The following KIF26B variants were observed in gnomAD, a reference collection of about 807,000 sequenced individuals.
The protein encoded by KIF26B is kinesin family member 26B, also known as kinesin-like protein KIF26B.
KIF26B carries 63 observed loss-of-function variants against 151.2 expected under a neutral mutation model. That is an observed-to-expected ratio of 0.42 (90% CI 0.34 to 0.51). KIF26B has a LOEUF of 0.51. Among genes scored for constraint, KIF26B ranks in the 20% least tolerant of loss-of-function variants. The probability of loss-of-function intolerance (pLI) is 0.07; values close to 1 mark genes in which losing one functional copy is unlikely to be tolerated. For missense variants in KIF26B, 2,813 were observed against 2,913.6 expected (o/e 0.97, Z 0.79); for synonymous variants, 1,357 against 1,262.1 (o/e 1.08, Z -1.59).
chr1:245,378,291 C>T (rs1455431531), intron 3 of KIF26B, among the ~76,000 whole-genome samples: 2 of 140,180 alleles, frequency 1.4e-5, no homozygotes, highest in East Asian at 4.4e-4. Context: ...GTAATAGTTA[C>T]TTACCATCCC....
chr1:245,543,951 AAAAAAG>A (rs932605886), intron 5 of KIF26B, among the ~76,000 whole-genome samples: 60 of 152,216 alleles, frequency 3.9e-4, no homozygotes, highest in African/African-American at 1.3e-3. Flanking sequence ...CCATCTCAAT[AAAAAAG>A]AAAAAGAAAA....
intron 3 of KIF26B, among the ~76,000 whole-genome samples, chr1:245,408,134 G>A (rs1468811124): frequency 6.6e-6 from 1 of 152,136 alleles, no homozygotes; most frequent in Non-Finnish European, 1.5e-5. Flanking sequence ...TCAGGGTTGA[G>A]TTGATTAGGG....
At chr1:245,350,684 CAG>C (rs1389190848) in intron 2 of KIF26B, among the ~76,000 whole-genome samples, 3 of 152,146 alleles carry the variant, frequency 2.0e-5, no homozygotes, top group Non-Finnish European at 4.4e-5. Flanking sequence ...ACGGAGCACT[CAG>C]GCCCTGCTCC....
At chr1:245,175,993 G>A (rs917203483) in intron 2 of KIF26B, among the ~76,000 whole-genome samples, 1 of 148,102 alleles carries the variant, frequency 6.8e-6, no homozygotes, top group African/African-American at 2.5e-5. Context: ...TATAGATATA[G>A]ATATATAGAT....
At chr1:245,298,362 G>T (rs1057264343) in intron 2 of KIF26B, among the ~76,000 whole-genome samples, 1 of 152,146 alleles carries the variant, frequency 6.6e-6, no homozygotes, top group East Asian at 1.9e-4. Flanking sequence ...GTGCTATAGC[G>T]GTAACATGAA....
intron 3 of KIF26B, among the ~76,000 whole-genome samples, chr1:245,396,576 C>A (rs567213194): frequency 6.6e-6 from 1 of 151,212 alleles, no homozygotes; most frequent in Non-Finnish European, 1.5e-5. Context: ...ACAGAGGTTG[C>A]AGTGAGCTGA....
chr1:245,671,593 C>G (rs1056828616), intron 10 of KIF26B, among the ~76,000 whole-genome samples: 1 of 152,214 alleles, frequency 6.6e-6, no homozygotes, highest in African/African-American at 2.4e-5. Context: ...TGCCACTAAA[C>G]TGTGCGCTTA....
At chr1:245,294,308 TC>T (rs913653441) in intron 2 of KIF26B, among the ~76,000 whole-genome samples, 44 of 152,322 alleles carry the variant, frequency 2.9e-4, no homozygotes, top group Admixed American at 9.2e-4. Context: ...TATTCTGTTC[TC>T]AAGGCAAGAA....
chr1:245,399,921 CT>C (rs1314974191), intron 3 of KIF26B, among the ~76,000 whole-genome samples: 1 of 152,138 alleles, frequency 6.6e-6, no homozygotes, highest in Admixed American at 6.6e-5. Flanking sequence ...CCGAAGTTTA[CT>C]TTAAAAAAAA....
At position 245,698,411 on chromosome 1, in the gene KIF26B, G is replaced by GC. The variant is rs2044722984; in HGVS notation, c.6027+104dup. 9.2e-7 allele frequency: 1 copy of GC among 1,083,252 alleles called. No individual in the cohort carries two copies. The highest frequency in any genetic ancestry group is 1.6e-5 in the African/African-American group (1 of 64,002). 67.1% of individuals were successfully genotyped at this position (1,083,252 alleles called of 1,614,324 possible). A position where few individuals can be genotyped will look rare whatever the true frequency, so the allele number is the denominator to read the frequency against. On this transcript the variant is annotated intron_variant, in intron 13 of 14. Transcript: ENST00000407071. The surrounding 1 kb of genome is among the most constrained non-coding windows in gnomAD (Gnocchi z 4.0). Reference sequence around the variant, plus strand: ...CCTGGGGAAGAAAACTCAGACCCGGGCTTCCCAGCGGGCTTCTGGCATGGG... The same window carrying GC: ...CCTGGGGAAGAAAACTCAGACCCGGGCCTTCCCAGCGGGCTTCTGGCATGGG...
intron 4 of KIF26B, among the ~76,000 whole-genome samples, chr1:245,471,165 C>A (rs1159370542): frequency 3.3e-5 from 5 of 151,446 alleles, no homozygotes; most frequent in African/African-American, 1.2e-4. Flanking sequence ...GAGTTTTGCC[C>A]TGTCACCTAG....
At chr1:245,285,374 C>T (rs895737860) in intron 2 of KIF26B, among the ~76,000 whole-genome samples, 5 of 152,202 alleles carry the variant, frequency 3.3e-5, no homozygotes, top group African/African-American at 1.2e-4. Flanking sequence ...CAATAGGAAA[C>T]ATATTCTGCC....
At chr1:245,612,708 T>G (rs2043541241) in intron 9 of KIF26B, among the ~76,000 whole-genome samples, 1 of 152,308 alleles carries the variant, frequency 6.6e-6, no homozygotes, top group East Asian at 1.9e-4. Context: ...GGCCACTGTA[T>G]GGACCATGTT....
chr1:245,558,539 G>A (rs10924239), intron 5 of KIF26B, among the ~76,000 whole-genome samples: 17,351 of 152,258 alleles, frequency 0.11, 1,228 homozygotes, highest in East Asian at 0.21. Flanking sequence ...CTCTTGCCAT[G>A]CTGGGCTCTA....
intron 9 of KIF26B, among the ~76,000 whole-genome samples, chr1:245,614,278 G>A (rs1361824753): frequency 3.9e-5 from 6 of 152,102 alleles, no homozygotes; most frequent in Non-Finnish European, 8.8e-5. Flanking sequence ...GAGTTCAAGC[G>A]ATTCTCCTGC....
intron 8 of KIF26B, among the ~76,000 whole-genome samples, chr1:245,610,444 A>G (rs1294284296): frequency 6.6e-6 from 1 of 152,166 alleles, no homozygotes; most frequent in African/African-American, 2.4e-5. Flanking sequence ...TCTAGAGTAG[A>G]GCTCCAAAAT....
At chr1:245,502,611 T>G (rs1660646049) in intron 4 of KIF26B, among the ~76,000 whole-genome samples, 1 of 151,820 alleles carries the variant, frequency 6.6e-6, no homozygotes, top group South Asian at 2.1e-4. Flanking sequence ...GCAAGCTCAA[T>G]GAAGATCAAA....
At chr1:245,568,240 G>A (rs906443390) in intron 5 of KIF26B, among the ~76,000 whole-genome samples, 1 of 142,724 alleles carries the variant, frequency 7.0e-6, no homozygotes, top group African/African-American at 2.6e-5. Flanking sequence ...CCTGAGCCAG[G>A]CACCGTGGCT....
chr1:245,432,550 A>T (rs1174738312), intron 4 of KIF26B, among the ~76,000 whole-genome samples: 1 of 151,946 alleles, frequency 6.6e-6, no homozygotes, highest in Non-Finnish European at 1.5e-5. Context: ...CTCGCTGAAA[A>T]CCCATCTTTT....
Sources: gnomAD v4.1 joint callset for allele counts (sites outside exome capture counted in the v4.1 genomes callset) on GRCh38, gnomAD v4.1.1 for gene constraint, Gnocchi (gnomAD v3.1) non-coding constraint, MANE v1.5 for transcripts, NCBI Gene and HGNC (gene_info 2026-07-23, HGNC 2026-07-21) for gene names.